Variants in ABCB10 observed in about 807,000 individuals in gnomAD.
The protein encoded by ABCB10 is ATP-binding cassette sub-family B member 10, mitochondrial.
In ABCB10, 54 loss-of-function variants were observed where a neutral mutation model predicts 65.4. The ratio of observed to expected loss-of-function variants is 0.83; its 90% CI spans 0.66 to 1.04. ABCB10 has a LOEUF of 1.04. ABCB10 is among the 50% of genes least tolerant of loss of function. The pLI, the probability that ABCB10 is intolerant of heterozygous loss-of-function variation, is 0.00. For missense variants in ABCB10, 846 were observed against 976.6 expected (o/e 0.87, Z 1.78); for synonymous variants, 418 against 406.5 (o/e 1.03, Z -0.34).
chr1:229,556,985 A>G (rs1409794331), intron 1 of ABCB10, among the ~76,000 whole-genome samples: 1 of 152,126 alleles, frequency 6.6e-6, no homozygotes, highest in Non-Finnish European at 1.5e-5. Flanking sequence ...AAAGAGAAAA[A>G]GATATTTTAC....
chr1:229,524,645 G>A (rs1363867550), intron 10 of ABCB10, among the ~76,000 whole-genome samples: 1 of 152,146 alleles, frequency 6.6e-6, no homozygotes, highest in Non-Finnish European at 1.5e-5. Flanking sequence ...AGAATGATAG[G>A]TGTGGTCTGA....
chr1:229,543,448 A>G (rs1662898660), intron 3 of ABCB10, among the ~76,000 whole-genome samples: 1 of 152,250 alleles, frequency 6.6e-6, no homozygotes, highest in African/African-American at 2.4e-5. Context: ...AAAATAGTAT[A>G]ATCAGTACAC....
chr1:229,555,498 C>T (rs1443802888), intron 1 of ABCB10, among the ~76,000 whole-genome samples: 3 of 152,260 alleles, frequency 2.0e-5, no homozygotes, highest in African/African-American at 4.8e-5. Context: ...TTTCAGCACA[C>T]GTCTGTACAT....
At chr1:229,520,370 T>C (rs1010521588) in intron 11 of ABCB10, among the ~76,000 whole-genome samples, 1 of 150,850 alleles carries the variant, frequency 6.6e-6, no homozygotes, top group Admixed American at 6.6e-5. Flanking sequence ...CTTGGGAGGC[T>C]GAGGCATGAG....
At chr1:229,531,217 T>C (rs1425396969) in intron 7 of ABCB10, among the ~76,000 whole-genome samples, 1 of 152,096 alleles carries the variant, frequency 6.6e-6, no homozygotes, top group South Asian at 2.1e-4. Flanking sequence ...CCAAGAAACT[T>C]AGATATTTTC....
At position 229,549,175 on chromosome 1, in the gene ABCB10, C is replaced by T. The variant is rs440519; in HGVS notation, c.718+59G>A. On this transcript the variant is annotated intron_variant, in intron 2 of 12. Coordinates refer to ENST00000344517, the MANE Select transcript of ABCB10 (RefSeq NM_012089.3). ...ACATGAGATTTGAGCCCGAACAAAC[C>T]CACAGGACTCTACATCTTCTTCAGG... The T allele has an allele frequency of 1.6e-3, 2,618 of 1,590,196 alleles. 3 individuals are homozygous for T. Among genetic ancestry groups the T allele is most frequent in the Non-Finnish European group, 2.1e-3 (2,418 of 1,158,932 alleles).
chr1:229,518,671 C>T (rs1335248470), intron 12 of ABCB10, among the ~76,000 whole-genome samples, 170 bp downstream of exon 12: 7 of 152,196 alleles, frequency 4.6e-5, no homozygotes, highest in Non-Finnish European at 1.0e-4. Context: ...ACTCAGTCTG[C>T]CCACTGGTTT....
chr1:229,532,033 A>G (rs1390210668), intron 6 of ABCB10: 5 of 201,312 alleles, frequency 2.5e-5, no homozygotes, highest in Non-Finnish European at 4.9e-5. Flanking sequence ...GCTCACTGCA[A>G]TCTCCATCTC....
chr1:229,528,390 C>T (rs911876103), intron 8 of ABCB10, among the ~76,000 whole-genome samples: 1 of 151,534 alleles, frequency 6.6e-6, no homozygotes, highest in Non-Finnish European at 1.5e-5. Flanking sequence ...GTCTCAAACT[C>T]CCGGGCTCAA....
chr1:229,558,099 A>C (rs4148757), intron 1 of ABCB10, 37 bp downstream of exon 1: 297,883 of 1,316,526 alleles, frequency 0.23, 38,268 homozygotes, highest in African/African-American at 0.55. Context: ...GGAGAAGGAG[A>C]GGCCCGGCGG....
chr1:229,546,027 C>T (rs1207401633), intron 3 of ABCB10, among the ~76,000 whole-genome samples: 1 of 152,026 alleles, frequency 6.6e-6, no homozygotes, highest in Non-Finnish European at 1.5e-5. Flanking sequence ...AAAAAATTAG[C>T]GAGGCGTGGT....
chr1:229,548,658 T>C lies in ABCB10; in HGVS notation c.718+576A>G, dbSNP rs377267492. Among the ~76,000 whole-genome samples the C allele has an allele frequency of 6.0e-5, 9 of 149,954 alleles. No individual in the cohort carries two copies. The South Asian group carries it at 1.3e-3, about 21-fold the overall frequency. ...TTCATGGCCAGGGGCCTCATTTTCT[T>C]TTTTTTTCTTTTTTTTTTTTTTGAG... On this transcript the variant is annotated intron_variant, in intron 2 of 12. Transcript: ENST00000344517.
chr1:229,530,205 C>G lies in ABCB10; in HGVS notation c.1639G>C (p.Ala547Pro). ...LSLLLRLYDP[A>P]SGTISLDGHD... ...AGTGTGGTGAACTGCTTACCAGAAG[C>G]AGGGTCGTACAACCTCAGCAGGAGT... is the stretch of plus-strand genomic sequence containing the variant. Residue 547 changes from alanine to proline, a missense_variant, in exon 8 of 13, where the codon GCT becomes CCT. Ala to Pro is a conservative substitution (Grantham distance 27). Around this residue, in one of 2 missense-constraint regions of ABCB10, gnomAD observed 632 missense variants for 803.2 expected, o/e 0.79. Coordinates refer to ENST00000344517, the MANE Select transcript of ABCB10 (RefSeq NM_012089.3). The G allele has an allele frequency of 6.2e-7, 1 of 1,613,776 alleles. No homozygotes were observed. The highest frequency in any genetic ancestry group is 1.1e-5 in the South Asian group (1 of 91,066).
In ABCB10 at chr1:229,518,127, T is replaced by C. The variant is rs1457023143; in HGVS notation, c.*52A>G. On this transcript the variant is annotated 3_prime_UTR_variant, in exon 13 of 13. Coordinates refer to ENST00000344517, the MANE Select transcript of ABCB10 (RefSeq NM_012089.3). Reference sequence around the variant, plus strand: ...TTTCATAGTCTCTGAGTTTTTTTTCTGCAACACTGTTTTGCATTAAAGTCT... The same window carrying C: ...TTTCATAGTCTCTGAGTTTTTTTTCCGCAACACTGTTTTGCATTAAAGTCT... 3 of 1,376,844 alleles carry C rather than the reference T, an allele frequency of 2.2e-6. No homozygotes were observed. Among genetic ancestry groups the C allele is most frequent in the Non-Finnish European group, 3.1e-6 (3 of 978,384 alleles). 85.3% of individuals were successfully genotyped at this position (1,376,844 alleles called of 1,614,324 possible).
chr1:229,521,984 A>G (rs1662326875), intron 10 of ABCB10, among the ~76,000 whole-genome samples: 1 of 151,626 alleles, frequency 6.6e-6, no homozygotes, highest in Non-Finnish European at 1.5e-5. Flanking sequence ...CTCCCACCTC[A>G]GCCTCCCAAG....
At position 229,542,374 on chromosome 1, in the gene ABCB10, G is replaced by A. The variant is rs1662873382; in HGVS notation, c.922-3C>T. The A allele has an allele frequency of 1.2e-6, 2 of 1,602,686 alleles. No homozygotes were observed. Among genetic ancestry groups the A allele is most frequent in the Non-Finnish European group, 8.5e-7 (1 of 1,176,724 alleles). ...GCCAGATTAGGTGAGACAAAAAACT[G>A]TCAAAAACAAAAAAAAATTCAGAGG... On this transcript the variant is annotated splice_polypyrimidine_tract_variant and splice_region_variant and intron_variant, in intron 3 of 12. Coordinates refer to ENST00000344517, the MANE Select transcript of ABCB10 (RefSeq NM_012089.3).
chr1:229,545,601 T>A (rs769728000), intron 3 of ABCB10, among the ~76,000 whole-genome samples: 1 of 152,234 alleles, frequency 6.6e-6, no homozygotes, highest in African/African-American at 2.4e-5. Context: ...CTGGAAAACT[T>A]GAGTATGTCA....
In ABCB10 at chr1:229,558,570, C is replaced by G. The variant is rs1663324858; in HGVS notation, c.83G>C (p.Cys28Ser). 1 of 1,445,568 alleles carries G rather than the reference C, an allele frequency of 6.9e-7. No individual in the cohort carries two copies. The highest frequency in any genetic ancestry group is 1.5e-5 in the African/African-American group (1 of 67,382). 89.5% of individuals were successfully genotyped at this position (1,445,568 alleles called of 1,614,324 possible). A position where few individuals can be genotyped will look rare whatever the true frequency, so the allele number is the denominator to read the frequency against. ...AACGCGGCTGGCCGCGGCCCACACGCAGGCTACCGGCAGGAGCCGACCTGG... is the reference window on the plus strand; with the variant it reads ...AACGCGGCTGGCCGCGGCCCACACGGAGGCTACCGGCAGGAGCCGACCTGG... Reference protein sequence around the residue: ...AEPGRLLPVACVWAAASRVPG... With the variant: ...AEPGRLLPVASVWAAASRVPG... Residue 28 changes from cysteine to serine, a missense_variant, in exon 1 of 13, where the codon TGC becomes TCC. This residue lies in a region of ABCB10 where 214 missense variants were observed against 173.5 expected (regional missense o/e 1.23). Transcript: ENST00000344517.
intron 6 of ABCB10, 187 bp from the exon 7 acceptor site, chr1:229,531,918 C>G (rs1281568414): frequency 2.5e-6 from 1 of 397,080 alleles, no homozygotes; most frequent in East Asian, 4.1e-5. Flanking sequence ...CTCTAGTTTT[C>G]CTTTGGCTTC....
Sources: allele counts gnomAD v4.1 joint callset (sites outside exome capture counted in the v4.1 genomes callset), GRCh38; gene constraint gnomAD v4.1.1; regional missense constraint gnomAD v4.1.1; transcripts MANE v1.5; gene names NCBI Gene and HGNC (gene_info 2026-07-23, HGNC 2026-07-21).